The following SIRPG variants were observed in gnomAD, a reference collection of about 807,000 sequenced individuals.
SIRPG encodes the protein signal-regulatory protein gamma.
Under a neutral mutation model 35.7 loss-of-function variants are expected in SIRPG, and 38 were observed. The observed-to-expected ratio is 1.06, with a 90% CI of 0.82 to 1.40. The LOEUF (loss-of-function observed/expected upper bound fraction) is 1.40. Among genes scored for constraint, SIRPG ranks in the 40% most tolerant of loss-of-function variants. SIRPG has a pLI of 0.00. For missense variants in SIRPG, 519 were observed against 483.0 expected, an observed-to-expected ratio of 1.07 and a Z score of -0.70; for synonymous variants, 215 against 190.4, an observed-to-expected ratio of 1.13 and a Z score of -1.06.
chr20:1,629,297 T>A lies in SIRPG; in HGVS notation c.*342A>T, dbSNP rs1600186669. 1 of 152,380 alleles carries A rather than the reference T, an allele frequency of 6.6e-6. No individual in the cohort carries two copies. Among genetic ancestry groups the A allele is most frequent in the Admixed American group, 6.5e-5 (1 of 15,302 alleles). 9.4% of individuals were successfully genotyped at this position (152,380 alleles called of 1,614,324 possible). A position where few individuals can be genotyped will look rare whatever the true frequency, so the allele number is the denominator to read the frequency against. The stretch of plus-strand genomic sequence containing the variant: ...AACTCTTGAGAACCTGGAGAGCGTC[T>A]GTGGTTTACGGTCAGTCTCAAGGCG... On this transcript the variant is annotated 3_prime_UTR_variant, in exon 6 of 6. Transcript: ENST00000303415.
chr20:1,686,275 C>A, the SIRPG span, among the ~76,000 whole-genome samples: 2 of 151,956 alleles, frequency 1.3e-5, no homozygotes, highest in Non-Finnish European at 2.9e-5. Context: ...AGCCCAGGGG[C>A]AGGGATTTCA....
the SIRPG span, among the ~76,000 whole-genome samples, chr20:1,679,296 A>G: frequency 7.2e-5 from 11 of 152,228 alleles, no homozygotes; most frequent in African/African-American, 2.7e-4. Context: ...TAAAAAATTC[A>G]TATTTTCCTG....
chr20:1,645,272 C>T (rs1009794915), intron 2 of SIRPG, among the ~76,000 whole-genome samples: 4 of 152,086 alleles, frequency 2.6e-5, no homozygotes, highest in African/African-American at 9.7e-5. Context: ...TCTCAAAGCC[C>T]CAACCCTATG....
At chr20:1,642,304 T>A (rs2091859114) in intron 2 of SIRPG, among the ~76,000 whole-genome samples, 1 of 152,216 alleles carries the variant, frequency 6.6e-6, no homozygotes, top group Admixed American at 6.5e-5. Context: ...GTTGAATTGA[T>A]CCCTTTACCA....
chr20:1,631,523 C>T (rs2091750063), intron 4 of SIRPG, among the ~76,000 whole-genome samples: 1 of 152,240 alleles, frequency 6.6e-6, no homozygotes, highest in Non-Finnish European at 1.5e-5. Context: ...CCTGCCTCCC[C>T]ATTTCCTGAG....
intron 2 of SIRPG, among the ~76,000 whole-genome samples, chr20:1,644,723 GCA>G (rs2091884180): frequency 6.6e-6 from 1 of 152,212 alleles, no homozygotes; most frequent in Admixed American, 6.5e-5. Context: ...TCTGAGGGTT[GCA>G]CAGTTCTGTG....
At chr20:1,679,847 AT>A in the SIRPG span, among the ~76,000 whole-genome samples, 36,863 of 151,820 alleles carry the variant, frequency 0.24, 5,164 homozygotes, top group East Asian at 0.58. Flanking sequence ...CATTTGGGAG[AT>A]GCTATTACCC....
At chr20:1,650,002 GTGTATATATATATATA>G (rs1272841930) in intron 1 of SIRPG, among the ~76,000 whole-genome samples, 2 of 81,392 alleles carry the variant, frequency 2.5e-5, no homozygotes, top group African/African-American at 9.9e-5. Context: ...ACTTTGAAGT[GTGTATATATATATATA>G]TATATATATG....
the SIRPG span, among the ~76,000 whole-genome samples, chr20:1,681,051 A>ACACATTATACACTTAATGT: frequency 1.1e-4 from 16 of 152,350 alleles, no homozygotes; most frequent in South Asian, 1.7e-3. Context: ...TGAATTGCTC[A>ACACATTATACACTTAATGT]GTGGGATACT....
At chr20:1,661,454 G>C (rs1431155838), upstream of SIRPG, among the ~76,000 whole-genome samples, 1 of 152,214 alleles carries the variant, frequency 6.6e-6, no homozygotes, top group Non-Finnish European at 1.5e-5. Context: ...AGGTAACATG[G>C]GCTGAGAGGG....
chr20:1,679,052 T>C, the SIRPG span, among the ~76,000 whole-genome samples: 1 of 152,182 alleles, frequency 6.6e-6, no homozygotes, highest in African/African-American at 2.4e-5. Flanking sequence ...CATGGATCCT[T>C]GCGTGAATAG....
chr20:1,664,313 T>G, the SIRPG span, among the ~76,000 whole-genome samples: 2 of 152,172 alleles, frequency 1.3e-5, no homozygotes, highest in Non-Finnish European at 2.9e-5. Flanking sequence ...GAAAGAGAAC[T>G]GTTTTTTTCC....
At chr20:1,679,413 G>T in the SIRPG span, among the ~76,000 whole-genome samples, 1 of 152,098 alleles carries the variant, frequency 6.6e-6, no homozygotes, top group Non-Finnish European at 1.5e-5. Flanking sequence ...GTCCTCCTCT[G>T]CTGTGACCTA....
upstream of SIRPG, among the ~76,000 whole-genome samples, chr20:1,659,383 C>T (rs2091990239): frequency 6.6e-6 from 1 of 152,116 alleles, no homozygotes; most frequent in Non-Finnish European, 1.5e-5. Flanking sequence ...TGAAATCTTC[C>T]CCTCCTTCTC....
At chr20:1,683,699 G>C in the SIRPG span, among the ~76,000 whole-genome samples, 2 of 152,220 alleles carry the variant, frequency 1.3e-5, no homozygotes, top group Admixed American at 6.5e-5. Context: ...CACAAGTAGA[G>C]AGTAGAGCCT....
At chr20:1,631,057 C>G (rs753039400) in intron 4 of SIRPG, among the ~76,000 whole-genome samples, 19 of 152,184 alleles carry the variant, frequency 1.2e-4, no homozygotes, top group Non-Finnish European at 1.9e-4. Context: ...GTTGGGCACA[C>G]TCAGTTACGG....
the SIRPG span, among the ~76,000 whole-genome samples, chr20:1,668,692 T>C: frequency 6.6e-6 from 1 of 152,194 alleles, no homozygotes; most frequent in Non-Finnish European, 1.5e-5. Flanking sequence ...TTGTAAAATA[T>C]ACCCAATTTA....
Position 1,649,285 on chromosome 20 carries a change from C to T in SIRPG, c.197G>A (p.Trp66Ter). 6.2e-7 allele frequency: 1 copy of T among 1,614,104 alleles called. No individual in the cohort carries two copies. Among genetic ancestry groups the T allele is most frequent in the Non-Finnish European group, 8.5e-7 (1 of 1,180,034 alleles). ...CCGGCCTGGTCCAACTCCTCTGAAC[C>T]ACAGGACGGGTCCCACGGGAAGCAG... ...TSLLPVGPVLWFRGVGPGREL... is the reference protein window; with the variant it reads ...TSLLPVGPVL The change falls in exon 2 of 6, where the codon TGG (tryptophan) becomes TAG (stop). Residue 66 changes from tryptophan (W) to a stop codon, truncating the protein, a stop_gained. Coordinates refer to ENST00000303415, the MANE Select transcript of SIRPG (RefSeq NM_018556.4). LOFTEE classifies it high-confidence loss of function.
At chr20:1,648,807 C>G (rs1035200689) in intron 2 of SIRPG, among the ~76,000 whole-genome samples, 3 of 152,144 alleles carry the variant, frequency 2.0e-5, no homozygotes, top group African/African-American at 7.2e-5. Flanking sequence ...TTGGGAAGGA[C>G]AAGAGCTGTA....
Sources: allele counts gnomAD v4.1 joint callset (sites outside exome capture counted in the v4.1 genomes callset), GRCh38; gene constraint gnomAD v4.1.1; transcripts MANE v1.5; gene names NCBI Gene and HGNC (gene_info 2026-07-23, HGNC 2026-07-21).